ADAT1: variants seen among roughly 807,000 people sequenced by gnomAD.
ADAT1 encodes the protein tRNA-specific adenosine deaminase 1.
A neutral mutation model predicts 58.6 loss-of-function variants in ADAT1; 58 were observed. That is an observed-to-expected ratio of 0.99 (90% CI 0.80 to 1.23). The LOEUF (loss-of-function observed/expected upper bound fraction) is 1.23, where lower values mean the gene tolerates loss of function less well. Among genes scored for constraint, ADAT1 ranks in the 50% most tolerant of loss-of-function variants. ADAT1 has a pLI of 0.00. For synonymous variants in ADAT1, 254 were observed against 220.8 expected (o/e 1.15, Z -1.33); for missense variants, 741 against 608.6 (o/e 1.22, Z -2.29).
At chr16:75,604,472 TATACACACACAC>T (rs201833234) in intron 8 of ADAT1, among the ~76,000 whole-genome samples, 3 of 54,336 alleles carry the variant, frequency 5.5e-5, no homozygotes, top group East Asian at 1.6e-3. Context: ...TATATATATA[TATACACACACAC>T]ACACACACAC....
At chr16:75,620,381 C>G in intron 2 of ADAT1, 47 bp from the exon 3 acceptor site, 2 of 1,599,012 alleles carry the variant, frequency 1.3e-6, no homozygotes, top group Non-Finnish European at 1.7e-6. Context: ...ACGGAATGTT[C>G]CCCGGTGTTC....
rs888232932 is a variant in ADAT1 at position 75,597,969 on chromosome 16, T to C, written c.*2247A>G. 6.6e-6 allele frequency among the ~76,000 whole-genome samples: 1 copy of C among 152,366 alleles called. No individual in the cohort carries two copies. Among genetic ancestry groups the C allele is most frequent in the African/African-American group, 2.4e-5 (1 of 41,586 alleles). ...GACAGGCCACAGACAAGTAATGGTC[T>C]GTGGCTCTGGGGCTGGGGGCCCCTG... On this transcript the variant is annotated 3_prime_UTR_variant, in exon 10 of 10. Transcript: ENST00000564657.
chr16:75,612,117 T>G (rs892974504), intron 6 of ADAT1, 126 bp downstream of exon 6: 1 of 1,140,124 alleles, frequency 8.8e-7, no homozygotes. Context: ...ATTATTTCCT[T>G]AAGACAAATT....
chr16:75,618,727 G>C, intron 3 of ADAT1, 87 bp from the exon 4 acceptor site: 1 of 1,500,044 alleles, frequency 6.7e-7, no homozygotes. Context: ...AGTCCCACCA[G>C]CACCCAGGAT....
intron 1 of ADAT1, among the ~76,000 whole-genome samples, chr16:75,621,313 T>C (rs79494996): frequency 0.044 from 6,396 of 144,538 alleles, 168 homozygotes; most frequent in South Asian, 0.057. Flanking sequence ...CGCCCTCTAG[T>C]AAATCCCCAC....
intron 3 of ADAT1, among the ~76,000 whole-genome samples, chr16:75,619,080 G>GT (rs1465155707): frequency 1.3e-5 from 2 of 152,184 alleles, no homozygotes; most frequent in Non-Finnish European, 2.9e-5. Context: ...TTGTACAGAA[G>GT]TATCCTACTT....
intron 6 of ADAT1, among the ~76,000 whole-genome samples, chr16:75,611,340 T>G (rs2081527292): frequency 6.6e-6 from 1 of 152,178 alleles, no homozygotes; most frequent in Admixed American, 6.6e-5. Context: ...CTTTTTATCT[T>G]CTAAACTGTT....
Position 75,596,892 on chromosome 16 carries a change from T to G in ADAT1, c.*3324A>C, listed in dbSNP as rs966735765. On this transcript the variant is annotated 3_prime_UTR_variant, in exon 10 of 10. Coordinates refer to ENST00000564657, the MANE Select transcript of ADAT1 (RefSeq NM_001324445.2). ...ATCCATACAACTGATTTTTATTCCA[T>G]AAATAGTAATAAAGTACTGATTCAT... is the stretch of plus-strand genomic sequence containing the variant. 6.6e-6 allele frequency: 1 copy of G among 152,138 alleles called. No individual in the cohort carries two copies. Among genetic ancestry groups the G allele is most frequent in the African/African-American group, 2.4e-5 (1 of 41,410 alleles). The allele number at this position is 152,138 out of a possible 1,614,324, so 9.4% of individuals were successfully genotyped here.
intron 8 of ADAT1, among the ~76,000 whole-genome samples, chr16:75,605,589 C>G (rs2081347001): frequency 6.6e-6 from 1 of 151,988 alleles, no homozygotes; most frequent in Admixed American, 6.6e-5. Flanking sequence ...ACCACTAACA[C>G]CCACATTGTT....
At position 75,598,957 on chromosome 16, in the gene ADAT1, G is replaced by A. The variant is rs956692350; in HGVS notation, c.*1259C>T. ...TAAGGACCTTGAGTAACCCCAACATGGGAGCTTCCATTTTCAGTCAATCAT... is the reference window on the plus strand; with the variant it reads ...TAAGGACCTTGAGTAACCCCAACATAGGAGCTTCCATTTTCAGTCAATCAT... On this transcript the variant is annotated 3_prime_UTR_variant, in exon 10 of 10. Transcript: ENST00000564657. The A allele has an allele frequency of 5.1e-6, 5 of 985,182 alleles. No homozygotes were observed. In the African/African-American group the frequency reaches 8.7e-5, roughly 17 times the overall value. The allele number at this position is 985,182 out of a possible 1,614,324, so 61.0% of individuals were successfully genotyped here.
At chr16:75,613,024 A>C (rs1409869130) in intron 5 of ADAT1, among the ~76,000 whole-genome samples, 163 bp from the exon 6 acceptor site, 1 of 152,180 alleles carries the variant, frequency 6.6e-6, no homozygotes, top group African/African-American at 2.4e-5. Context: ...GTGTGTTTTT[A>C]ACAAGCTCTC....
In ADAT1 at chr16:75,621,304, G is replaced by A. The variant is rs925650605; in HGVS notation, c.-21-484C>T. ...CCCTACAGCAGAGTGTTTCTCTACC[G>A]CCCTCTAGTAAATCCCCACTGAAAT... On this transcript the variant is annotated intron_variant, in intron 1 of 9. Transcript: ENST00000564657. 1.5e-4 allele frequency among the ~76,000 whole-genome samples: 21 copies of A among 138,572 alleles called. 1 individual carries two copies. The highest frequency in any genetic ancestry group is 2.7e-4 in the Non-Finnish European group (18 of 65,834). The allele number at this position is 138,572 out of a possible 152,430, so 90.9% of individuals were successfully genotyped here.
intron 6 of ADAT1, among the ~76,000 whole-genome samples, chr16:75,610,937 C>A (rs988153005): frequency 1.3e-5 from 2 of 152,096 alleles, no homozygotes; most frequent in Non-Finnish European, 2.9e-5. Context: ...CCCAATAACA[C>A]CCCGTCTCCA....
intron 6 of ADAT1, among the ~76,000 whole-genome samples, chr16:75,610,495 T>C (rs926929710): frequency 3.9e-5 from 6 of 152,114 alleles, no homozygotes; most frequent in Non-Finnish European, 8.8e-5. Context: ...CAGGGTTTCC[T>C]CATGTTGACC....
intron 8 of ADAT1, among the ~76,000 whole-genome samples, chr16:75,604,474 TAC>T (rs373687206): frequency 0.049 from 2,629 of 53,906 alleles, 76 homozygotes; most frequent in Middle Eastern, 0.1. Flanking sequence ...TATATATATA[TAC>T]ACACACACAC....
At position 75,599,046 on chromosome 16, in the gene ADAT1, G is replaced by T; in HGVS notation, c.*1170C>A. ...AACAGGATTGGCTGCTGGGTCTATT[G>T]CTGATTTGCTGCAGGGCCTTTTGGC... On this transcript the variant is annotated 3_prime_UTR_variant, in exon 10 of 10. Coordinates refer to ENST00000564657, the MANE Select transcript of ADAT1 (RefSeq NM_001324445.2). 2.0e-6 allele frequency: 2 copies of T among 976,114 alleles called. No individual in the cohort carries two copies. Among genetic ancestry groups the T allele is most frequent in the Non-Finnish European group, 1.2e-6 (1 of 826,276 alleles). The allele number at this position is 976,114 out of a possible 1,614,324, so 60.5% of individuals were successfully genotyped here. A position where few individuals can be genotyped will look rare whatever the true frequency, so the allele number is the denominator to read the frequency against.
intron 5 of ADAT1, among the ~76,000 whole-genome samples, chr16:75,615,518 C>G (rs1283689572): frequency 2.1e-5 from 1 of 47,906 alleles, no homozygotes; most frequent in African/African-American, 7.3e-5. Context: ...AAAAAAAAAT[C>G]GCAAGAAAAA....
chr16:75,603,285 C>T, intron 8 of ADAT1, 114 bp from the exon 9 acceptor site: 1 of 823,106 alleles, frequency 1.2e-6, no homozygotes, highest in South Asian at 1.6e-5. Flanking sequence ...CAGAGCCCCT[C>T]ATTTTCACCT....
rs200397910 is a variant in ADAT1 at position 75,608,825 on chromosome 16, C to G, written c.1189+18G>C. The stretch of plus-strand genomic sequence containing the variant: ...GGGGAGCAGTTACTCCAGGGCAGGT[C>G]TAACCTGGATCTCTTACCTGCCCCA... On this transcript the variant is annotated intron_variant, in intron 7 of 9. Transcript: ENST00000564657. 1.8e-4 allele frequency: 295 copies of G among 1,610,358 alleles called. 3 individuals carry two copies. Among genetic ancestry groups the G allele is most frequent in the Admixed American group, 6.8e-5 (4 of 58,968 alleles).
Sources: gnomAD v4.1 joint callset for allele counts (sites outside exome capture counted in the v4.1 genomes callset) on GRCh38, gnomAD v4.1.1 for gene constraint, MANE v1.5 for transcripts, NCBI Gene and HGNC (gene_info 2026-07-23, HGNC 2026-07-21) for gene names.